ASAP1: variants seen among roughly 807,000 people sequenced by gnomAD.
The protein encoded by ASAP1 is ArfGAP with SH3 domain, ankyrin repeat and PH domain 1.
A neutral mutation model predicts 145.2 loss-of-function variants in ASAP1; 43 were observed. The ratio of observed to expected loss-of-function variants is 0.30; its 90% CI spans 0.23 to 0.38. The LOEUF (loss-of-function observed/expected upper bound fraction) is 0.38. Among genes scored for constraint, ASAP1 ranks in the 10% least tolerant of loss-of-function variants. The pLI, the probability that ASAP1 is intolerant of heterozygous loss-of-function variation, is 1.00. For missense variants in ASAP1, 1,018 were observed against 1,355.3 expected (o/e 0.75, Z 3.91); for synonymous variants, 546 against 515.5 (o/e 1.06, Z -0.80).
intron 12 of ASAP1, among the ~76,000 whole-genome samples, chr8:130,156,992 C>T (rs1025164867): frequency 1.3e-5 from 2 of 152,160 alleles, no homozygotes; most frequent in African/African-American, 2.4e-5. Flanking sequence ...GACTTTTATA[C>T]TTTTGCTTCA....
chr8:130,357,255 C>T (rs1826374722), intron 3 of ASAP1, among the ~76,000 whole-genome samples: 1 of 152,022 alleles, frequency 6.6e-6, no homozygotes, highest in Non-Finnish European at 1.5e-5. Context: ...GAGGAGCTGT[C>T]TGACTGTCGC....
chr8:130,168,938 T>C, intron 10 of ASAP1, 54 bp downstream of exon 10: 1 of 1,087,002 alleles, frequency 9.2e-7, no homozygotes, highest in East Asian at 2.4e-5. Context: ...TCAAATTTAC[T>C]GAAACTTATC....
intron 24 of ASAP1, among the ~76,000 whole-genome samples, chr8:130,097,842 G>C (rs1306369781): frequency 2.0e-5 from 3 of 152,160 alleles, no homozygotes; most frequent in African/African-American, 7.2e-5. Flanking sequence ...TATGAAGGTG[G>C]TTTGAGAATA....
intron 2 of ASAP1, among the ~76,000 whole-genome samples, chr8:130,382,285 CAAAAAAAAAAAAA>C (rs35060121): frequency 1.4e-4 from 10 of 73,482 alleles, no homozygotes; most frequent in African/African-American, 4.3e-4. Flanking sequence ...GATTCTGTCT[CAAAAAAAAAAAAA>C]AAAAAAAAAA....
chr8:130,313,901 GCTCTT>G (rs1823509148), intron 3 of ASAP1, among the ~76,000 whole-genome samples: 1 of 152,136 alleles, frequency 6.6e-6, no homozygotes, highest in Admixed American at 6.5e-5. Flanking sequence ...CACGTCCCAT[GCTCTT>G]CTCCTCTCCC....
At chr8:130,158,321 G>A (rs919726114) in intron 12 of ASAP1, among the ~76,000 whole-genome samples, 25 of 150,784 alleles carry the variant, frequency 1.7e-4, no homozygotes, top group Non-Finnish European at 3.5e-4. Flanking sequence ...ACCAGCCTGG[G>A]CAACAAAGAG....
chr8:130,291,271 A>G (rs1821928134), intron 3 of ASAP1, among the ~76,000 whole-genome samples: 2 of 152,248 alleles, frequency 1.3e-5, no homozygotes. Context: ...AAAATGCTGG[A>G]GCCAGAAATA....
At chr8:130,191,610 G>A (rs987396850) in intron 5 of ASAP1, among the ~76,000 whole-genome samples, 3 of 152,196 alleles carry the variant, frequency 2.0e-5, no homozygotes, top group African/African-American at 7.2e-5. Flanking sequence ...GTGGCAGAGG[G>A]AGAGAGTGGT....
At chr8:130,414,829 T>A (rs1829409698) in intron 1 of ASAP1, among the ~76,000 whole-genome samples, 1 of 151,674 alleles carries the variant, frequency 6.6e-6, no homozygotes, top group African/African-American at 2.4e-5. Context: ...AAGATCTTGG[T>A]CCACTGCAAC....
chr8:130,283,529 G>C (rs1328593597), intron 3 of ASAP1, among the ~76,000 whole-genome samples: 1 of 143,128 alleles, frequency 7.0e-6, no homozygotes, highest in Non-Finnish European at 1.5e-5. Flanking sequence ...GCAGTGAGAG[G>C]AGATCACGTC....
intron 14 of ASAP1, among the ~76,000 whole-genome samples, 178 bp from the exon 15 acceptor site, chr8:130,134,522 CTCTA>C (rs1427316532): frequency 4.6e-5 from 7 of 152,172 alleles, no homozygotes; most frequent in South Asian, 2.1e-4. Context: ...TTCACAAAAG[CTCTA>C]TCTGTTTCTC....
chr8:130,204,054 CGGTACA>C (rs1324811026), intron 5 of ASAP1, among the ~76,000 whole-genome samples: 3 of 152,184 alleles, frequency 2.0e-5, no homozygotes, highest in African/African-American at 4.8e-5. Flanking sequence ...GGCCACGAAC[CGGTACA>C]GGTCTGTGGC....
At chr8:130,327,248 T>C (rs1824394588) in intron 3 of ASAP1, among the ~76,000 whole-genome samples, 1 of 152,232 alleles carries the variant, frequency 6.6e-6, no homozygotes, top group Non-Finnish European at 1.5e-5. Flanking sequence ...GCCCTGTCTG[T>C]CTTCCAATGG....
chr8:130,279,989 G>C (rs1821158812), intron 3 of ASAP1, among the ~76,000 whole-genome samples: 1 of 152,184 alleles, frequency 6.6e-6, no homozygotes, highest in South Asian at 2.1e-4. Context: ...GTCTCATTCA[G>C]CAACTTTGTA....
intron 1 of ASAP1, among the ~76,000 whole-genome samples, chr8:130,431,437 C>T (rs191128009): frequency 3.7e-4 from 57 of 152,338 alleles, no homozygotes; most frequent in African/African-American, 1.3e-3. Flanking sequence ...CCAACCATAA[C>T]GAACCACTTG....
chr8:130,251,552 G>A (rs943849821), intron 3 of ASAP1, among the ~76,000 whole-genome samples: 1 of 152,038 alleles, frequency 6.6e-6, no homozygotes, highest in Non-Finnish European at 1.5e-5. Flanking sequence ...GATACTATCA[G>A]CAAAAAGATA....
chr8:130,240,993 A>G (rs1818491539), intron 3 of ASAP1, among the ~76,000 whole-genome samples: 1 of 152,110 alleles, frequency 6.6e-6, no homozygotes, highest in Non-Finnish European at 1.5e-5. Flanking sequence ...TAAGGACAGA[A>G]AAGTCCTTGA....
intron 3 of ASAP1, 62 bp downstream of exon 3, chr8:130,357,955 G>T: frequency 6.5e-7 from 1 of 1,538,982 alleles, no homozygotes; most frequent in Admixed American, 1.9e-5. Flanking sequence ...TCGGAGAGGA[G>T]ATCCTCCAGC....
chr8:130,317,134 T>C (rs1033747990), intron 3 of ASAP1, among the ~76,000 whole-genome samples: 1 of 151,954 alleles, frequency 6.6e-6, no homozygotes, highest in African/African-American at 2.4e-5. Flanking sequence ...CAAAACTTTT[T>C]AGGAAAGTAC....
Sources: gnomAD v4.1 joint callset for allele counts (sites outside exome capture counted in the v4.1 genomes callset) on GRCh38, gnomAD v4.1.1 for gene constraint, MANE v1.5 for transcripts, NCBI Gene and HGNC (gene_info 2026-07-23, HGNC 2026-07-21) for gene names.